Variants in KHDRBS2 observed in about 807,000 individuals in gnomAD.
KHDRBS2 encodes KH domain-containing, RNA-binding, signal transduction-associated protein 2.
In KHDRBS2, 26 loss-of-function variants were observed where a neutral mutation model predicts 44.3. That is an observed-to-expected ratio of 0.59 (90% CI 0.43 to 0.81). KHDRBS2 has a LOEUF of 0.81. Among genes scored for constraint, KHDRBS2 ranks in the 40% least tolerant of loss-of-function variants. The pLI is 0.00. For missense variants in KHDRBS2, 476 were observed against 433.1 expected (o/e 1.10, Z -0.88); for synonymous variants, 194 against 151.1 (o/e 1.28, Z -2.08).
the KHDRBS2 span, among the ~76,000 whole-genome samples, chr6:61,563,753 T>G: frequency 6.6e-6 from 1 of 152,094 alleles, no homozygotes; most frequent in African/African-American, 2.4e-5. Flanking sequence ...AAAGATATTA[T>G]TGTTGAGATC....
At chr6:61,555,417 G>T in the KHDRBS2 span, among the ~76,000 whole-genome samples, 2 of 151,950 alleles carry the variant, frequency 1.3e-5, no homozygotes, top group South Asian at 4.1e-4. Flanking sequence ...ATCATTTATT[G>T]TATTCTTTAG....
intron 6 of KHDRBS2, among the ~76,000 whole-genome samples, chr6:61,753,578 G>A (rs1165891517): frequency 6.6e-6 from 1 of 152,090 alleles, no homozygotes; most frequent in Non-Finnish European, 1.5e-5. Flanking sequence ...TCATATGTGT[G>A]TAGTGTTCGA....
chr6:62,080,350 C>T (rs1489504546), intron 2 of KHDRBS2, among the ~76,000 whole-genome samples: 3 of 152,054 alleles, frequency 2.0e-5, no homozygotes, highest in Non-Finnish European at 4.4e-5. Context: ...GAGGTATTGA[C>T]TTATGTACCC....
chr6:62,243,911 C>G (rs1203443206), intron 1 of KHDRBS2, among the ~76,000 whole-genome samples: 6 of 152,078 alleles, frequency 3.9e-5, no homozygotes, highest in Admixed American at 2.0e-4. Context: ...GTATCCTATA[C>G]ACAGTGTACT....
chr6:62,278,626 G>A (rs575526777), intron 1 of KHDRBS2, among the ~76,000 whole-genome samples: 1 of 152,272 alleles, frequency 6.6e-6, no homozygotes, highest in African/African-American at 2.4e-5. Context: ...GAATGCGGAT[G>A]GGACATTACA....
chr6:61,843,067 A>G lies in KHDRBS2; in HGVS notation c.810+51568T>C, dbSNP rs528915374. Among the ~76,000 whole-genome samples the G allele has an allele frequency of 1.8e-3, 277 of 152,130 alleles. 1 individual carries two copies. Among genetic ancestry groups the G allele is most frequent in the African/African-American group, 6.2e-3 (257 of 41,508 alleles). On this transcript the variant is annotated intron_variant, in intron 6 of 8. Coordinates refer to ENST00000281156, the MANE Select transcript of KHDRBS2 (RefSeq NM_152688.4). Reference sequence around the variant, plus strand: ...GCCTTGAAAAAATTATTCTGAGTGAAAGAAGCCAGATACAGAGCCACAAAT... The same window carrying G: ...GCCTTGAAAAAATTATTCTGAGTGAGAGAAGCCAGATACAGAGCCACAAAT...
chr6:61,985,401 G>A (rs1774862448), intron 3 of KHDRBS2, among the ~76,000 whole-genome samples: 1 of 152,128 alleles, frequency 6.6e-6, no homozygotes, highest in South Asian at 2.1e-4. Flanking sequence ...CCAGGGTCCA[G>A]CAAGAGCCTT....
intron 2 of KHDRBS2, among the ~76,000 whole-genome samples, chr6:62,168,017 C>T (rs1449838233): frequency 6.6e-6 from 1 of 151,996 alleles, no homozygotes; most frequent in African/African-American, 2.4e-5. Flanking sequence ...AAGTTGCAAC[C>T]GAGGATGAGA....
intron 3 of KHDRBS2, among the ~76,000 whole-genome samples, chr6:62,027,209 T>C (rs1039039313): frequency 6.6e-6 from 1 of 152,092 alleles, no homozygotes; most frequent in African/African-American, 2.4e-5. Context: ...GGGGAGAGTG[T>C]GTTGACAAAC....
chr6:62,094,834 C>T (rs746205823), intron 2 of KHDRBS2, among the ~76,000 whole-genome samples: 1 of 151,816 alleles, frequency 6.6e-6, no homozygotes, highest in Non-Finnish European at 1.5e-5. Flanking sequence ...CTCCTTTACA[C>T]ATACTTGGCA....
At chr6:61,700,654 A>T (rs781187423) in intron 7 of KHDRBS2, among the ~76,000 whole-genome samples, 1 of 151,374 alleles carries the variant, frequency 6.6e-6, no homozygotes, top group Non-Finnish European at 1.5e-5. Flanking sequence ...GACACATGGG[A>T]TGTGTGCAGA....
At chr6:61,851,492 A>C (rs1795408952) in intron 6 of KHDRBS2, among the ~76,000 whole-genome samples, 1 of 152,162 alleles carries the variant, frequency 6.6e-6, no homozygotes, top group Non-Finnish European at 1.5e-5. Flanking sequence ...ACATGAGGTC[A>C]TATGGATGGG....
intron 6 of KHDRBS2, chr6:61,814,155 A>AT (rs375024963): frequency 1.0e-3 from 444 of 425,374 alleles, no homozygotes; most frequent in African/African-American, 8.7e-3. Context: ...TAGCAAACAG[A>AT]TATCAAGTGA....
chr6:62,053,726 AGCACC>A (rs1789619061), intron 2 of KHDRBS2, among the ~76,000 whole-genome samples: 1 of 151,978 alleles, frequency 6.6e-6, no homozygotes, highest in Non-Finnish European at 1.5e-5. Context: ...CACTTTATTC[AGCACC>A]AACGACTCAA....
chr6:62,172,001 T>C (rs1275320674), intron 2 of KHDRBS2, among the ~76,000 whole-genome samples: 4 of 152,148 alleles, frequency 2.6e-5, no homozygotes, highest in African/African-American at 9.7e-5. Flanking sequence ...CCATTTACAC[T>C]ATCAAGCAAC....
chr6:61,732,790 C>T lies in KHDRBS2; in HGVS notation c.811-26G>A, dbSNP rs1184329924. The T allele has an allele frequency of 1.0e-5, 12 of 1,182,836 alleles. No homozygotes were observed. The Admixed American group carries it at 1.0e-4, about 10-fold the overall frequency. The allele number at this position is 1,182,836 out of a possible 1,614,324, so 73.3% of individuals were successfully genotyped here. On this transcript the variant is annotated intron_variant, in intron 6 of 8. Transcript: ENST00000281156. ...CTGAGACAAAAAAATGGTAGAAACACCTGTTAGTCAATTTGATTAACTTTG... is the reference window on the plus strand; with the variant it reads ...CTGAGACAAAAAAATGGTAGAAACATCTGTTAGTCAATTTGATTAACTTTG...
At chr6:62,084,423 G>T (rs1469079298) in intron 2 of KHDRBS2, among the ~76,000 whole-genome samples, 1 of 152,092 alleles carries the variant, frequency 6.6e-6, no homozygotes, top group East Asian at 1.9e-4. Context: ...GTGGAATAAA[G>T]AAGAGCTCCC....
intron 6 of KHDRBS2, among the ~76,000 whole-genome samples, chr6:61,810,395 ATG>A (rs1161082234): frequency 3.9e-5 from 6 of 152,086 alleles, no homozygotes; most frequent in Non-Finnish European, 1.5e-5. Context: ...GCCTTGTTGT[ATG>A]TATATAAGCC....
chr6:62,030,714 T>C (rs954296656), intron 3 of KHDRBS2, among the ~76,000 whole-genome samples: 9 of 152,084 alleles, frequency 5.9e-5, no homozygotes, highest in African/African-American at 2.2e-4. Context: ...AAATTCATAG[T>C]CTTGTGATAA....
Sources: gnomAD v4.1 joint callset for allele counts (sites outside exome capture counted in the v4.1 genomes callset) on GRCh38, gnomAD v4.1.1 for gene constraint, MANE v1.5 for transcripts, NCBI Gene and HGNC (gene_info 2026-07-23, HGNC 2026-07-21) for gene names.